The following SORCS3 variants were observed in gnomAD, a reference collection of about 807,000 sequenced individuals.
SORCS3 encodes sortilin related VPS10 domain containing receptor 3.
A neutral mutation model predicts 146.3 loss-of-function variants in SORCS3; 57 were observed. That is an observed-to-expected ratio of 0.39 (90% CI 0.31 to 0.49). The LOEUF (loss-of-function observed/expected upper bound fraction) is 0.49. Ranked by LOEUF, SORCS3 falls within the 20% of genes least tolerant of loss-of-function variation. The pLI is 0.92. For synonymous variants in SORCS3, 653 were observed against 618.5 expected, an observed-to-expected ratio of 1.06 and a Z score of -0.83; for missense variants, 1,341 against 1,575.5, an observed-to-expected ratio of 0.85 and a Z score of 2.52.
chr10:105,016,266 T>A (rs790648), intron 4 of SORCS3, among the ~76,000 whole-genome samples: 1 of 148,124 alleles, frequency 6.8e-6, no homozygotes, highest in Non-Finnish European at 1.5e-5. Context: ...ATTCTCCTGC[T>A]TCACCCTCCT....
At chr10:105,175,848 A>T (rs1475975464) in intron 13 of SORCS3, among the ~76,000 whole-genome samples, 1 of 152,236 alleles carries the variant, frequency 6.6e-6, no homozygotes, top group Non-Finnish European at 1.5e-5. Context: ...ACATGGATCA[A>T]GGTATACCAT....
intron 1 of SORCS3, among the ~76,000 whole-genome samples, chr10:104,841,651 T>C (rs2018140946): frequency 6.6e-6 from 1 of 152,124 alleles, no homozygotes. Context: ...AAATGTGCAA[T>C]ATAATGGCTG....
intron 1 of SORCS3, among the ~76,000 whole-genome samples, chr10:104,735,456 G>GTTTTTTTTTTTTT (rs56203751): frequency 0.016 from 572 of 34,918 alleles, 121 homozygotes; most frequent in Middle Eastern, 0.091. Flanking sequence ...CTCACCGTCT[G>GTTTTTTTTTTTTT]TTTTTTTTTT....
chr10:104,716,455 C>T (rs558162076), intron 1 of SORCS3, among the ~76,000 whole-genome samples: 30 of 151,964 alleles, frequency 2.0e-4, no homozygotes, highest in South Asian at 6.2e-4. Flanking sequence ...AGAGGGAGAG[C>T]TGAGTTTCAA....
chr10:104,801,640 G>A (rs1227111707), intron 1 of SORCS3, among the ~76,000 whole-genome samples: 2 of 152,082 alleles, frequency 1.3e-5, no homozygotes, highest in Non-Finnish European at 2.9e-5. Flanking sequence ...TTGAAGGTAA[G>A]ATATGGATCT....
At chr10:105,226,468 T>C (rs889223722) in intron 20 of SORCS3, among the ~76,000 whole-genome samples, 3 of 152,082 alleles carry the variant, frequency 2.0e-5, no homozygotes, top group East Asian at 1.9e-4. Flanking sequence ...TAGTATTTCA[T>C]TGAGAATTTT....
At chr10:105,032,543 A>T (rs1301779617) in intron 4 of SORCS3, among the ~76,000 whole-genome samples, 1 of 152,212 alleles carries the variant, frequency 6.6e-6, no homozygotes, top group African/African-American at 2.4e-5. Flanking sequence ...CGCTACTAAT[A>T]CTAAAATTAT....
rs144203857 is a variant in SORCS3 at position 105,070,361 on chromosome 10, A to G, written c.1029-19414A>G. 7.8e-3 allele frequency among the ~76,000 whole-genome samples: 1,195 copies of G among 152,342 alleles called. 12 individuals carry two copies. Among genetic ancestry groups the G allele is most frequent in the Non-Finnish European group, 0.012 (830 of 68,024 alleles). ...GGCTTACTCTAAAGCTGAGATTTTA[A>G]TTCTGATTTTATACCACCTCGGTGT... is the stretch of plus-strand genomic sequence containing the variant. On this transcript the variant is annotated intron_variant, in intron 5 of 26. Transcript: ENST00000369701.
intron 7 of SORCS3, among the ~76,000 whole-genome samples, chr10:105,128,077 T>G (rs571814316): frequency 2.6e-4 from 40 of 152,270 alleles, no homozygotes; most frequent in African/African-American, 9.4e-4. Flanking sequence ...TCAGTTAAAT[T>G]ATCAGTAAAG....
chr10:104,965,768 G>A (rs2054823038), intron 3 of SORCS3, among the ~76,000 whole-genome samples: 1 of 152,016 alleles, frequency 6.6e-6, no homozygotes, highest in Non-Finnish European at 1.5e-5. Context: ...TTTTAAATAG[G>A]ATTGTTTTCT....
chr10:105,029,565 A>AGAATGGTTTTG (rs1435281964), intron 4 of SORCS3, among the ~76,000 whole-genome samples: 5 of 152,228 alleles, frequency 3.3e-5, no homozygotes, highest in African/African-American at 1.2e-4. Context: ...ATTGGCAGTT[A>AGAATGGTTTTG]GAATGGTTTT....
intron 1 of SORCS3, among the ~76,000 whole-genome samples, chr10:104,734,517 C>T (rs1243146484): frequency 6.6e-6 from 1 of 152,234 alleles, no homozygotes; most frequent in Non-Finnish European, 1.5e-5. Context: ...GAACTAATTA[C>T]CAAGTACCAA....
chr10:105,020,308 T>C (rs1161193876), intron 4 of SORCS3, among the ~76,000 whole-genome samples: 2 of 152,224 alleles, frequency 1.3e-5, no homozygotes, highest in Non-Finnish European at 2.9e-5. Context: ...CCACATAGAA[T>C]ACTTTCTTCC....
At chr10:105,145,093 A>G (rs2073171025) in intron 8 of SORCS3, among the ~76,000 whole-genome samples, 1 of 151,160 alleles carries the variant, frequency 6.6e-6, no homozygotes, top group Non-Finnish European at 1.5e-5. Flanking sequence ...AGAGGCAGCC[A>G]GGTTTGCTGT....
chr10:104,855,375 G>T (rs562308740), intron 2 of SORCS3, among the ~76,000 whole-genome samples: 1 of 152,274 alleles, frequency 6.6e-6, no homozygotes, highest in East Asian at 1.9e-4. Context: ...GTGGGGTTTT[G>T]ATAGGAGTTT....
rs558971393 is a variant in SORCS3, at chr10:104,954,580, G to A, written c.796-22755G>A. Among the ~76,000 whole-genome samples, 276 of 152,302 alleles carry A rather than the reference G, an allele frequency of 1.8e-3. 1 individual carries two copies. The Middle Eastern group carries it at 0.034, about 19-fold the overall frequency. On this transcript the variant is annotated intron_variant, in intron 3 of 26. Coordinates refer to ENST00000369701, the MANE Select transcript of SORCS3 (RefSeq NM_014978.3). ...GTTAAGAAATAGGAAGAAGCAGCTT[G>A]TGGCAAGTAGAATAGGATTTGTTTC...
At chr10:104,861,739 T>C (rs184263489) in intron 2 of SORCS3, among the ~76,000 whole-genome samples, 94 of 151,966 alleles carry the variant, frequency 6.2e-4, no homozygotes, top group African/African-American at 1.9e-3. Context: ...TTCCCAGGGG[T>C]GTCAGCCTGA....
Position 105,147,623 on chromosome 10 carries a change from C to G in SORCS3, c.1309C>G (p.His437Asp), listed in dbSNP as rs756278463. 1 of 1,608,434 alleles carries G rather than the reference C, an allele frequency of 6.2e-7. No homozygotes were observed. The highest frequency in any genetic ancestry group is 8.5e-7 in the Non-Finnish European group (1 of 1,176,952). The change falls in exon 9 of 27, where the codon CAC (histidine) becomes GAC (aspartate). Residue 437 changes from histidine to aspartate, a missense_variant. Transcript: ENST00000369701. Reference protein sequence around the residue: ...LPKYSLPKDMHIISTDENQVF... With the variant: ...LPKYSLPKDMDIISTDENQVF... The stretch of plus-strand genomic sequence containing the variant: ...GCCTTCCATCTTCTTTCAGGACATG[C>G]ACATCATCAGTACAGACGAGAACCA...
intron 7 of SORCS3, among the ~76,000 whole-genome samples, chr10:105,138,153 A>G (rs1042092075): frequency 2.0e-5 from 3 of 152,166 alleles, no homozygotes; most frequent in Admixed American, 2.0e-4. Context: ...TCAGGGTGAA[A>G]ACCAGTCTCT....
Sources: gnomAD v4.1 joint callset for allele counts (sites outside exome capture counted in the v4.1 genomes callset) on GRCh38, gnomAD v4.1.1 for gene constraint, MANE v1.5 for transcripts, NCBI Gene and HGNC (gene_info 2026-07-23, HGNC 2026-07-21) for gene names.